Variants in DAB1 observed in about 807,000 individuals in gnomAD.
DAB1 encodes the protein disabled homolog 1.
A neutral mutation model predicts 64.6 loss-of-function variants in DAB1; 15 were observed. The ratio of observed to expected loss-of-function variants is 0.23; its 90% CI spans 0.16 to 0.36. DAB1 has a LOEUF of 0.36. Ranked by LOEUF, DAB1 falls within the 10% of genes least tolerant of loss-of-function variation. The pLI is 1.00. For synonymous variants in DAB1, 235 were observed against 251.9 expected (o/e 0.93, Z 0.64); for missense variants, 596 against 706.7 (o/e 0.84, Z 1.78).
At chr1:57,077,046 T>C (rs1215846966) in intron 4 of DAB1, among the ~76,000 whole-genome samples, 1 of 152,162 alleles carries the variant, frequency 6.6e-6, no homozygotes, top group East Asian at 1.9e-4. Flanking sequence ...ATATTAAAAG[T>C]GTGCCCAGTG....
intron 3 of DAB1, among the ~76,000 whole-genome samples, chr1:58,464,603 CTT>C (rs1645276140): frequency 6.6e-6 from 1 of 152,164 alleles, no homozygotes; most frequent in Admixed American, 6.5e-5. Flanking sequence ...CTCTGAGTTC[CTT>C]TTCCCTCATC....
chr1:57,374,913 C>A (rs1402931082), intron 1 of DAB1, among the ~76,000 whole-genome samples: 2 of 152,168 alleles, frequency 1.3e-5, no homozygotes, highest in African/African-American at 2.4e-5. Flanking sequence ...AAGTCCCTAC[C>A]TAAATTTTCA....
At chr1:57,371,109 C>G (rs1453990357) in intron 1 of DAB1, among the ~76,000 whole-genome samples, 1 of 152,174 alleles carries the variant, frequency 6.6e-6, no homozygotes, top group Non-Finnish European at 1.5e-5. Flanking sequence ...AAATTTAAAA[C>G]AAAACGATCC....
At chr1:57,280,648 A>G (rs1671815058) in intron 2 of DAB1, among the ~76,000 whole-genome samples, 1 of 152,212 alleles carries the variant, frequency 6.6e-6, no homozygotes, top group African/African-American at 2.4e-5. Flanking sequence ...ATGAACTAAT[A>G]TGGCAAATCT....
rs4266913 is a variant in DAB1, at chr1:58,036,995, C to G, written n.387+113516G>C. ...ATATGATTCTGAGCATGGCCCATTT[C>G]AGCTTCCCTTGCCTGCTCCTTCCCA... On this transcript the variant is annotated intron_variant and non_coding_transcript_variant, in intron 5 of 20. Transcript: ENST00000485760. 5.8e-3 allele frequency among the ~76,000 whole-genome samples: 879 copies of G among 152,038 alleles called. 10 individuals carry two copies. The highest frequency in any genetic ancestry group is 0.02 in the African/African-American group (848 of 41,444).
At chr1:57,890,845 G>A (rs2101982061) in intron 5 of DAB1, among the ~76,000 whole-genome samples, 1 of 152,182 alleles carries the variant, frequency 6.6e-6, no homozygotes, top group East Asian at 1.9e-4. Context: ...TGGCACAATG[G>A]ACTGTATCTC....
chr1:58,409,427 G>A (rs1644646457), intron 3 of DAB1, among the ~76,000 whole-genome samples: 1 of 152,162 alleles, frequency 6.6e-6, no homozygotes, highest in East Asian at 1.9e-4. Flanking sequence ...TTATGCAGAG[G>A]CCATTTTCAG....
At chr1:57,701,369 C>A (rs1286250567) in intron 6 of DAB1, among the ~76,000 whole-genome samples, 3 of 152,152 alleles carry the variant, frequency 2.0e-5, no homozygotes, top group African/African-American at 7.2e-5. Flanking sequence ...GAATACTATG[C>A]AGCCATAAAA....
chr1:57,694,356 C>G (rs1207397658), intron 6 of DAB1, among the ~76,000 whole-genome samples: 2 of 151,934 alleles, frequency 1.3e-5, no homozygotes, highest in East Asian at 3.9e-4. Flanking sequence ...GGTGATGGGA[C>G]AGAAAATGGA....
chr1:57,446,416 G>A (rs1686139193), intron 7 of DAB1, among the ~76,000 whole-genome samples: 1 of 151,894 alleles, frequency 6.6e-6, no homozygotes, highest in African/African-American at 2.4e-5. Context: ...TCACCCACAC[G>A]GAGAAACTCC....
intron 4 of DAB1, among the ~76,000 whole-genome samples, chr1:57,102,654 T>C (rs991031059): frequency 5.9e-5 from 9 of 152,212 alleles, no homozygotes; most frequent in African/African-American, 2.2e-4. Flanking sequence ...TTCCTCTCTT[T>C]TCATTGTTTT....
At chr1:57,251,602 G>A (rs1170176930) in intron 2 of DAB1, among the ~76,000 whole-genome samples, 1 of 152,098 alleles carries the variant, frequency 6.6e-6, no homozygotes. Flanking sequence ...TCATTAGACA[G>A]GGCTTATAAC....
intron 6 of DAB1, among the ~76,000 whole-genome samples, chr1:57,745,268 T>C (rs1648210860): frequency 6.6e-6 from 1 of 152,174 alleles, no homozygotes; most frequent in Non-Finnish European, 1.5e-5. Flanking sequence ...TCTGTGTCCC[T>C]TCCATCTAGC....
At chr1:57,653,672 G>A (rs1307329121) in intron 6 of DAB1, among the ~76,000 whole-genome samples, 1 of 152,092 alleles carries the variant, frequency 6.6e-6, no homozygotes. Context: ...CAGTGAAGTG[G>A]CACTATCTCT....
At chr1:57,746,319 T>C (rs544951092) in intron 6 of DAB1, among the ~76,000 whole-genome samples, 1 of 152,298 alleles carries the variant, frequency 6.6e-6, no homozygotes, top group African/African-American at 2.4e-5. Context: ...TGTATATTTC[T>C]TCATTTTTTT....
At chr1:57,690,958 A>G (rs1646756553) in intron 6 of DAB1, among the ~76,000 whole-genome samples, 1 of 152,156 alleles carries the variant, frequency 6.6e-6, no homozygotes, top group Admixed American at 6.5e-5. Context: ...AGAAGTGTCT[A>G]TTTAAGTCTT....
At chr1:57,006,456 C>T (rs1646070693) in intron 14 of DAB1, among the ~76,000 whole-genome samples, 1 of 152,202 alleles carries the variant, frequency 6.6e-6, no homozygotes, top group African/African-American at 2.4e-5. Flanking sequence ...TCCTCACCTC[C>T]CATGTCTCTT....
chr1:58,173,468 C>T (rs981209054), intron 4 of DAB1, among the ~76,000 whole-genome samples: 2 of 152,180 alleles, frequency 1.3e-5, no homozygotes, highest in African/African-American at 4.8e-5. Context: ...GAACCCCCTG[C>T]AGCAGCGACC....
chr1:57,119,542 C>T (rs939247356), intron 4 of DAB1, among the ~76,000 whole-genome samples: 2 of 152,078 alleles, frequency 1.3e-5, no homozygotes, highest in East Asian at 1.9e-4. Context: ...GGTAATAAAA[C>T]GTATAATGCA....
Sources: gnomAD v4.1 joint callset for allele counts (sites outside exome capture counted in the v4.1 genomes callset) on GRCh38, gnomAD v4.1.1 for gene constraint, MANE v1.5 for transcripts, NCBI Gene and HGNC (gene_info 2026-07-23, HGNC 2026-07-21) for gene names.